The following DPY19L2 variants were observed in gnomAD, a reference collection of about 807,000 sequenced individuals.
The protein encoded by DPY19L2 is dpy-19 like 2, also known as probable C-mannosyltransferase DPY19L2.
Under a neutral mutation model 97.9 loss-of-function variants are expected in DPY19L2, and 34 were observed. The ratio of observed to expected loss-of-function variants is 0.35; its 90% CI spans 0.26 to 0.46. The LOEUF is 0.46. Among genes scored for constraint, DPY19L2 ranks in the 20% least tolerant of loss-of-function variants. The pLI, the probability that DPY19L2 is intolerant of heterozygous loss-of-function variation, is 1.00. For synonymous variants in DPY19L2, 230 were observed against 307.9 expected (o/e 0.75, Z 2.65); for missense variants, 623 against 911.4 (o/e 0.68, Z 4.07).
At chr12:63,665,052 T>C (rs1437314074) in intron 2 of DPY19L2, among the ~76,000 whole-genome samples, 1 of 137,596 alleles carries the variant, frequency 7.3e-6, no homozygotes, top group Non-Finnish European at 1.5e-5. Flanking sequence ...TTTTGTAAAA[T>C]AATGTACACA....
rs1190948766 is a variant in DPY19L2 at position 63,621,288 on chromosome 12, C to T, written c.1003G>A (p.Val335Ile). 1.8e-6 allele frequency: 2 copies of T among 1,128,390 alleles called. No homozygotes were observed. Among genetic ancestry groups the T allele is most frequent in the Non-Finnish European group, 2.6e-6 (2 of 768,288 alleles). The allele number at this position is 1,128,390 out of a possible 1,614,324, so 69.9% of individuals were successfully genotyped here. A position where few individuals can be genotyped will look rare whatever the true frequency, so the allele number is the denominator to read the frequency against. ...AATTGCCAGGGAAGCATAAAAGCAACATTGGAAAGACAGAGTGCAATGAAG... is the reference window on the plus strand; with the variant it reads ...AATTGCCAGGGAAGCATAAAAGCAATATTGGAAAGACAGAGTGCAATGAAG... The part of the protein sequence containing the change: ...RPFIALCLSN[V>I]AFMLPWQFAQ... The change falls in exon 9 of 22, where the codon GTT (valine) becomes ATT (isoleucine). Residue 335 changes from valine (V) to isoleucine (I), a missense_variant. By Grantham distance (29) the Val-to-Ile change is conservative. This residue lies in a region of DPY19L2 where 67 missense variants were observed against 88.0 expected (regional missense o/e 0.76). Coordinates refer to ENST00000324472, the MANE Select transcript of DPY19L2 (RefSeq NM_173812.5).
Position 63,668,049 on chromosome 12 carries a change from C to T in DPY19L2, c.337+8G>A. 2 of 1,612,814 alleles carry T rather than the reference C, an allele frequency of 1.2e-6. No individual in the cohort carries two copies. The highest frequency in any genetic ancestry group is 2.2e-5 in the South Asian group (2 of 90,812). On this transcript the variant is annotated splice_region_variant and intron_variant, in intron 1 of 21. Coordinates refer to ENST00000324472, the MANE Select transcript of DPY19L2 (RefSeq NM_173812.5). ...CTCCCTCCTAGGGCTCTCCTGCCCTCTCCTCACCGATGCCGAGAGTGGTTC... is the reference window on the plus strand; with the variant it reads ...CTCCCTCCTAGGGCTCTCCTGCCCTTTCCTCACCGATGCCGAGAGTGGTTC...
Position 63,645,781 on chromosome 12 carries a change from G to A in DPY19L2, c.710-1285C>T, listed in dbSNP as rs1179124547. On this transcript the variant is annotated intron_variant, in intron 5 of 21. Transcript: ENST00000324472. ...CACATTATCTTTCCTGCAATCACTT[G>A]TTGAGAATATAATTGTCTCCTACCT... Among the ~76,000 whole-genome samples, 3 of 152,118 alleles carry A rather than the reference G, an allele frequency of 2.0e-5. No homozygotes were observed. In the South Asian group the frequency reaches 6.2e-4, roughly 32 times the overall value.
intron 6 of DPY19L2, among the ~76,000 whole-genome samples, chr12:63,639,233 C>A (rs1330884847): frequency 6.6e-6 from 1 of 152,134 alleles, no homozygotes; most frequent in Non-Finnish European, 1.5e-5. Context: ...AAATGTTAGA[C>A]CTAAAACCAT....
intron 8 of DPY19L2, among the ~76,000 whole-genome samples, chr12:63,622,488 G>A (rs1888848011): frequency 6.6e-6 from 1 of 152,122 alleles, no homozygotes. Flanking sequence ...CATTCTCAAG[G>A]TTTGTGCCAC....
Position 63,560,371 on chromosome 12 carries a change from C to T in DPY19L2, c.*141G>A. ...GAAAAGTAATTTACCTTTTAGTAAT[C>T]AGAAAAATTTCCAATCCATTTTTAT... is the stretch of plus-strand genomic sequence containing the variant. On this transcript the variant is annotated 3_prime_UTR_variant, in exon 22 of 22. Transcript: ENST00000324472. 1.9e-6 allele frequency: 2 copies of T among 1,058,048 alleles called. No individual in the cohort carries two copies. Among genetic ancestry groups the T allele is most frequent in the Non-Finnish European group, 2.6e-6 (2 of 770,178 alleles). 65.5% of individuals were successfully genotyped at this position (1,058,048 alleles called of 1,614,324 possible).
chr12:63,598,985 C>A (rs1156829476), intron 13 of DPY19L2, among the ~76,000 whole-genome samples: 3 of 151,396 alleles, frequency 2.0e-5, no homozygotes, highest in Non-Finnish European at 4.4e-5. Context: ...CCAGGCTGGC[C>A]AACATGCTGG....
chr12:63,594,033 A>T, intron 16 of DPY19L2, 54 bp downstream of exon 16: 1 of 1,244,220 alleles, frequency 8.0e-7, no homozygotes. Context: ...TGTTACAGTA[A>T]GTTATTTAAT....
At chr12:63,622,025 T>G (rs372866561) in intron 8 of DPY19L2, among the ~76,000 whole-genome samples, 11 of 152,314 alleles carry the variant, frequency 7.2e-5, no homozygotes, top group African/African-American at 2.6e-4. Flanking sequence ...TGGATTTTGA[T>G]GAATCTTTGT....
At chr12:63,639,347 A>G (rs544082605) in intron 6 of DPY19L2, among the ~76,000 whole-genome samples, 1 of 152,324 alleles carries the variant, frequency 6.6e-6, no homozygotes, top group East Asian at 1.9e-4. Context: ...AAATTGACAA[A>G]TGGGATCTAA....
intron 21 of DPY19L2, among the ~76,000 whole-genome samples, chr12:63,566,014 T>G (rs1412367178): frequency 6.6e-6 from 1 of 152,158 alleles, no homozygotes; most frequent in Non-Finnish European, 1.5e-5. Context: ...GCTTTTCTAA[T>G]GTTTACTCAC....
intron 6 of DPY19L2, among the ~76,000 whole-genome samples, chr12:63,628,453 G>A (rs569076949): frequency 2.0e-5 from 3 of 152,242 alleles, no homozygotes; most frequent in African/African-American, 4.8e-5. Context: ...CTATGCCCAC[G>A]GAGCCTCCCT....
Position 63,664,253 on chromosome 12 carries a change from C to T in DPY19L2, c.363-408G>A, listed in dbSNP as rs576601866. Among the ~76,000 whole-genome samples the T allele has an allele frequency of 1.9e-3, 282 of 152,112 alleles. 1 individual carries two copies. Among genetic ancestry groups the T allele is most frequent in the Non-Finnish European group, 3.2e-3 (218 of 67,962 alleles). On this transcript the variant is annotated intron_variant, in intron 2 of 21. Transcript: ENST00000324472. ...TAGGGAGGCTGAGGCAGGAGAATTG[C>T]TTGAACCCAGGAGGTGGAGGTTGCA...
At chr12:63,637,470 C>G (rs1453197445) in intron 6 of DPY19L2, among the ~76,000 whole-genome samples, 1 of 151,636 alleles carries the variant, frequency 6.6e-6, no homozygotes, top group Non-Finnish European at 1.5e-5. Context: ...GCTAGCAAGA[C>G]TAATAAAGAA....
chr12:63,603,055 G>A (rs1885438640), intron 12 of DPY19L2, among the ~76,000 whole-genome samples: 1 of 151,988 alleles, frequency 6.6e-6, no homozygotes, highest in South Asian at 2.1e-4. Flanking sequence ...ATAGAATGAT[G>A]GCAGCAGCAT....
At chr12:63,640,064 A>C (rs1446908298) in intron 6 of DPY19L2, among the ~76,000 whole-genome samples, 1 of 152,210 alleles carries the variant, frequency 6.6e-6, no homozygotes, top group Non-Finnish European at 1.5e-5. Context: ...ACATGGATGA[A>C]GCTGGAAACC....
chr12:63,582,502 C>T lies in DPY19L2; in HGVS notation c.1629G>A (p.Leu543=). The T allele has an allele frequency of 6.2e-7, 1 of 1,612,840 alleles. No individual in the cohort carries two copies. Among genetic ancestry groups the T allele is most frequent in the Non-Finnish European group, 8.5e-7 (1 of 1,179,346 alleles). The change falls in exon 18 of 22, where the codon TTG becomes TTA. Residue 543 remains leucine (L), a synonymous_variant. Transcript: ENST00000324472. ...HSELAFHTLQ[L]LVFTALAILI... The stretch of plus-strand genomic sequence containing the variant: ...AAATGGCAAGGGCAGTAAACACTAA[C>T]AACTGCAATGTGTGAAAAGCCAGCT...
chr12:63,648,720 G>A (rs192730250), intron 4 of DPY19L2, among the ~76,000 whole-genome samples: 307 of 152,042 alleles, frequency 2.0e-3, no homozygotes, highest in African/African-American at 7.3e-3. Context: ...CTTTGCTTGA[G>A]TGATACCAGA....
Position 63,597,846 on chromosome 12 carries a change from T to A in DPY19L2, c.1424A>T (p.Tyr475Phe). The A allele has an allele frequency of 6.2e-7, 1 of 1,608,412 alleles. No homozygotes were observed. The highest frequency in any genetic ancestry group is 8.5e-7 in the Non-Finnish European group (1 of 1,178,216). The change falls in exon 14 of 22, where the codon TAT becomes TTT. Residue 475 changes from tyrosine (Y) to phenylalanine (F), a missense_variant. By Grantham distance (22) the Tyr-to-Phe change is conservative. Transcript: ENST00000324472. The part of the protein sequence containing the change: ...LRYTDFDTLI[Y>F]TCAPEFDFME... Reference sequence around the variant, plus strand: ...GAAGTCAAATTCGGGAGCACAGGTATATATTAAAGTATCAAAATCTGTATA... The same window carrying A: ...GAAGTCAAATTCGGGAGCACAGGTAAATATTAAAGTATCAAAATCTGTATA...
Sources: gnomAD v4.1 joint callset for allele counts (sites outside exome capture counted in the v4.1 genomes callset) on GRCh38, gnomAD v4.1.1 for gene constraint, gnomAD v4.1.1 regional missense constraint, MANE v1.5 for transcripts, NCBI Gene and HGNC (gene_info 2026-07-23, HGNC 2026-07-21) for gene names.